The following SYNPR variants were observed in gnomAD, a reference collection of about 807,000 sequenced individuals.
SYNPR encodes synaptoporin.
Under a neutral mutation model 32.9 loss-of-function variants are expected in SYNPR, and 23 were observed. The observed-to-expected ratio is 0.70, with a 90% CI of 0.50 to 0.99. The LOEUF (loss-of-function observed/expected upper bound fraction) is 0.99. Among genes scored for constraint, SYNPR ranks in the 50% least tolerant of loss-of-function variants. The pLI, the probability that SYNPR is intolerant of heterozygous loss-of-function variation, is 0.00. For synonymous variants in SYNPR, 146 were observed against 135.9 expected (o/e 1.07, Z -0.52); for missense variants, 318 against 349.3 (o/e 0.91, Z 0.71).
At chr3:63,418,242 G>C (rs1203926092) in intron 2 of SYNPR, among the ~76,000 whole-genome samples, 1 of 152,116 alleles carries the variant, frequency 6.6e-6, no homozygotes, top group Non-Finnish European at 1.5e-5. Context: ...AAAAAGCATA[G>C]CAAGAGTCAC....
At chr3:63,230,808 C>G (rs2086161480) in intron 1 of SYNPR, among the ~76,000 whole-genome samples, 1 of 152,158 alleles carries the variant, frequency 6.6e-6, no homozygotes, top group African/African-American at 2.4e-5. Context: ...AATCTCTTAT[C>G]TCAGTCCCTG....
At chr3:63,442,534 C>T (rs1333994164) in intron 2 of SYNPR, among the ~76,000 whole-genome samples, 1 of 152,180 alleles carries the variant, frequency 6.6e-6, no homozygotes. Context: ...CCCCAACACA[C>T]ATTGCCTCAA....
At chr3:63,354,784 T>C in intron 2 of SYNPR, among the ~76,000 whole-genome samples, 1 of 152,220 alleles carries the variant, frequency 6.6e-6, no homozygotes, top group South Asian at 2.1e-4. Context: ...GCAGAAATGA[T>C]CATTTGCATC....
intron 3 of SYNPR, among the ~76,000 whole-genome samples, chr3:63,524,832 T>C: frequency 7.5e-6 from 1 of 132,790 alleles, no homozygotes; most frequent in Non-Finnish European, 1.6e-5. Flanking sequence ...GAAGTGTGTG[T>C]GTGTGTGTGT....
intron 2 of SYNPR, among the ~76,000 whole-genome samples, chr3:63,330,663 C>A (rs1485229991): frequency 2.6e-5 from 4 of 151,992 alleles, no homozygotes; most frequent in Non-Finnish European, 5.9e-5. Context: ...CAATTTAATA[C>A]TTTATAAGTT....
intron 1 of SYNPR, among the ~76,000 whole-genome samples, chr3:63,233,310 T>A (rs960770791): frequency 2.6e-5 from 4 of 152,242 alleles, no homozygotes; most frequent in African/African-American, 9.6e-5. Flanking sequence ...ATAAATCTAG[T>A]AAATTCAAAT....
intron 2 of SYNPR, among the ~76,000 whole-genome samples, chr3:63,442,037 A>G (rs1192516973): frequency 2.0e-5 from 3 of 152,092 alleles, no homozygotes; most frequent in African/African-American, 7.2e-5. Flanking sequence ...ACTCCTCGTT[A>G]TGGTTTTTTG....
chr3:63,355,101 A>G (rs2087559596), intron 2 of SYNPR, among the ~76,000 whole-genome samples: 1 of 152,086 alleles, frequency 6.6e-6, no homozygotes, highest in African/African-American at 2.4e-5. Context: ...CAACATGGTA[A>G]AACCCCGTCT....
At chr3:63,421,798 C>G (rs967636027) in intron 2 of SYNPR, among the ~76,000 whole-genome samples, 4 of 152,204 alleles carry the variant, frequency 2.6e-5, no homozygotes, top group Non-Finnish European at 4.4e-5. Context: ...AGGACTGAGG[C>G]CCCACACTCC....
chr3:63,576,963 T>A (rs1186014543), intron 4 of SYNPR, among the ~76,000 whole-genome samples: 1 of 152,154 alleles, frequency 6.6e-6, no homozygotes, highest in African/African-American at 2.4e-5. Flanking sequence ...GATACATTTT[T>A]TTTTAACCTA....
In SYNPR at chr3:63,350,099, C is replaced by T. The variant is rs77909194; in HGVS notation, c.84+71357C>T. On this transcript the variant is annotated intron_variant, in intron 2 of 5. Transcript: ENST00000478300. ...ATCTTACATTATACTGTCTCATCTA[C>T]GACATTTTAGGAAAGGAATCTTAGT... Among the ~76,000 whole-genome samples the T allele has an allele frequency of 9.4e-4, 143 of 152,018 alleles. 2 individuals carry two copies. In the East Asian group the frequency reaches 0.024, roughly 25 times the overall value.
Position 63,401,011 on chromosome 3 carries a change from T to C in SYNPR, c.85-79821T>C, listed in dbSNP as rs567902922. On this transcript the variant is annotated intron_variant, in intron 2 of 5. Transcript: ENST00000478300. The stretch of plus-strand genomic sequence containing the variant: ...ACAAATGGCAAAGGCAACATGGGGG[T>C]ATAGGAATTAGATGCAATACACAAA... 6.0e-5 allele frequency among the ~76,000 whole-genome samples: 9 copies of C among 150,858 alleles called. 1 individual carries two copies. In the South Asian group the frequency reaches 1.9e-3, roughly 32 times the overall value.
chr3:63,238,874 G>T (rs192407687), intron 1 of SYNPR, among the ~76,000 whole-genome samples: 31 of 152,164 alleles, frequency 2.0e-4, no homozygotes, highest in African/African-American at 6.5e-4. Context: ...CTGTATCTTG[G>T]AGGAGGCTGT....
At position 63,278,316 on chromosome 3, in the gene SYNPR, C is replaced by G. The variant is rs942949242; in HGVS notation, c.-218C>G. 2 of 597,412 alleles carry G rather than the reference C, an allele frequency of 3.3e-6. No homozygotes were observed. Among genetic ancestry groups the G allele is most frequent in the African/African-American group, 3.7e-5 (2 of 53,522 alleles). The allele number at this position is 597,412 out of a possible 1,614,324, so 37.0% of individuals were successfully genotyped here. A position where few individuals can be genotyped will look rare whatever the true frequency, so the allele number is the denominator to read the frequency against. On this transcript the variant is annotated 5_prime_UTR_variant, in exon 1 of 6. Coordinates refer to ENST00000478300, the MANE Select transcript of SYNPR (RefSeq NM_001130003.2). ...CCAGCTCTTCCCTGCCCACCCCTCG[C>G]TGACTCGCTTCGCTTCCCCGACGCG...
intron 2 of SYNPR, among the ~76,000 whole-genome samples, chr3:63,444,964 A>AG (rs942789902): frequency 2.0e-5 from 3 of 150,526 alleles, no homozygotes; most frequent in African/African-American, 7.3e-5. Flanking sequence ...AAAAAAAACA[A>AG]AACAAAACAC....
At position 63,347,875 on chromosome 3, in the gene SYNPR, T is replaced by TTGTGTG. The variant is rs10597535; in HGVS notation, c.84+69171_84+69176dup. Among the ~76,000 whole-genome samples the TTGTGTG allele has an allele frequency of 5.4e-3, 784 of 144,466 alleles. 1 individual carries two copies. The highest frequency in any genetic ancestry group is 7.4e-3 in the Non-Finnish European group (484 of 65,590). 94.8% of individuals were successfully genotyped at this position (144,466 alleles called of 152,430 possible). ...GTGTGTATGGCTGAATAGTATTCCA[T>TTGTGTG]TGTGTGTGTGTGTGTGTGTGTGTGT... On this transcript the variant is annotated intron_variant, in intron 2 of 5. Transcript: ENST00000478300.
chr3:63,239,031 A>G (rs1376325018), intron 1 of SYNPR, among the ~76,000 whole-genome samples: 1 of 152,158 alleles, frequency 6.6e-6, no homozygotes, highest in Non-Finnish European at 1.5e-5. Flanking sequence ...TATTTTGGAT[A>G]ATGAAATGAC....
intron 2 of SYNPR, among the ~76,000 whole-genome samples, chr3:63,337,011 C>T (rs939613938): frequency 6.6e-6 from 1 of 151,986 alleles, no homozygotes; most frequent in African/African-American, 2.4e-5. Flanking sequence ...GTGGGCAGAT[C>T]ACTTGAGGTC....
At chr3:63,587,112 T>A (rs1282497867) in intron 4 of SYNPR, among the ~76,000 whole-genome samples, 1 of 151,920 alleles carries the variant, frequency 6.6e-6, no homozygotes, top group African/African-American at 2.4e-5. Flanking sequence ...CAAATTAACG[T>A]CAGAATCCAG....
Sources: allele counts gnomAD v4.1 joint callset (sites outside exome capture counted in the v4.1 genomes callset), GRCh38; gene constraint gnomAD v4.1.1; transcripts MANE v1.5; gene names NCBI Gene and HGNC (gene_info 2026-07-23, HGNC 2026-07-21).